Variants in FUT8 observed in about 807,000 individuals in gnomAD.
FUT8 encodes fucosyltransferase 8, also known as alpha-(1,6)-fucosyltransferase.
In FUT8, 29 loss-of-function variants were observed where a neutral mutation model predicts 71.3. The observed-to-expected ratio is 0.41, with a 90% CI of 0.30 to 0.55. FUT8 has a LOEUF of 0.55. FUT8 is among the 20% of genes least tolerant of loss of function. The probability of loss-of-function intolerance (pLI) is 0.34; values close to 1 mark genes in which losing one functional copy is unlikely to be tolerated. For missense variants in FUT8, 544 were observed against 702.1 expected (o/e 0.77, Z 2.55); for synonymous variants, 254 against 239.3 (o/e 1.06, Z -0.57).
intron 7 of FUT8, among the ~76,000 whole-genome samples, chr14:65,707,558 AT>A (rs1894611834): frequency 6.6e-6 from 1 of 152,092 alleles, no homozygotes; most frequent in Non-Finnish European, 1.5e-5. Flanking sequence ...TTTCCAAGAA[AT>A]TGTTGCCCAC....
intron 3 of FUT8, among the ~76,000 whole-genome samples, chr14:65,591,402 C>T (rs1440291532): frequency 6.6e-6 from 1 of 152,144 alleles, no homozygotes; most frequent in Non-Finnish European, 1.5e-5. Context: ...CTTTGAAATT[C>T]AACTCCCTTG....
chr14:65,426,610 AT>A (rs1342097574), intron 1 of FUT8, among the ~76,000 whole-genome samples: 4 of 152,226 alleles, frequency 2.6e-5, no homozygotes, highest in Non-Finnish European at 5.9e-5. Flanking sequence ...GTCCTTGATG[AT>A]AAAAATGTTG....
rs149548974 is a variant in FUT8 at position 65,712,830 on chromosome 14, A to G, written c.836-8945A>G. ...ATATGAGGTAATGAGATATTTTGAT[A>G]CAGGCATACAATGCATAATAATCAC... On this transcript the variant is annotated intron_variant, in intron 7 of 10. Coordinates refer to ENST00000673929, the MANE Select transcript of FUT8 (RefSeq NM_001371533.1). Among the ~76,000 whole-genome samples, 738 of 152,310 alleles carry G rather than the reference A, an allele frequency of 4.8e-3. 9 individuals are homozygous for G. The highest frequency in any genetic ancestry group is 0.017 in the African/African-American group (701 of 41,554).
chr14:65,583,180 T>C (rs1457834823), intron 3 of FUT8, among the ~76,000 whole-genome samples: 2 of 151,992 alleles, frequency 1.3e-5, no homozygotes, highest in Non-Finnish European at 2.9e-5. Flanking sequence ...TCTTTTTCTT[T>C]TGTTTTTTTC....
In FUT8 at chr14:65,582,160, C is replaced by T. The variant is rs191221214; in HGVS notation, c.203+20394C>T. ...TGAGTTGAGCTAGCATTTTCTTCTT[C>T]CATCCAATTAAAATAATATATAAGG... is the stretch of plus-strand genomic sequence containing the variant. On this transcript the variant is annotated intron_variant, in intron 3 of 10. Coordinates refer to ENST00000673929, the MANE Select transcript of FUT8 (RefSeq NM_001371533.1). Among the ~76,000 whole-genome samples, 88 of 152,162 alleles carry T rather than the reference C, an allele frequency of 5.8e-4. 2 individuals are homozygous for T. The highest frequency in any genetic ancestry group is 3.9e-4 in the East Asian group (2 of 5,190).
intron 7 of FUT8, among the ~76,000 whole-genome samples, chr14:65,694,334 G>A (rs1051155211): frequency 6.6e-6 from 1 of 152,080 alleles, no homozygotes; most frequent in Admixed American, 6.6e-5. Flanking sequence ...CACTTTTGCA[G>A]CGTTCCACAA....
At chr14:65,710,231 G>A (rs2139310830) in intron 7 of FUT8, among the ~76,000 whole-genome samples, 1 of 152,026 alleles carries the variant, frequency 6.6e-6, no homozygotes, top group South Asian at 2.1e-4. Flanking sequence ...AGATGAATTG[G>A]CTTTTAAAAT....
chr14:65,544,349 T>C (rs1884861741), intron 2 of FUT8, among the ~76,000 whole-genome samples: 2 of 152,164 alleles, frequency 1.3e-5, no homozygotes, highest in African/African-American at 4.8e-5. Context: ...TGACTCCTAC[T>C]TTATAGCAGG....
intron 7 of FUT8, among the ~76,000 whole-genome samples, chr14:65,687,477 T>C (rs1893351490): frequency 2.0e-5 from 3 of 152,176 alleles, no homozygotes; most frequent in Non-Finnish European, 1.5e-5. Context: ...AATAAAACTT[T>C]TAAGTTTAAA....
the FUT8 span, among the ~76,000 whole-genome samples, chr14:65,367,036 C>T: frequency 6.6e-6 from 1 of 152,178 alleles, no homozygotes; most frequent in Non-Finnish European, 1.5e-5. Context: ...CTAAGGACTG[C>T]AACATCTCCA....
At chr14:65,670,156 A>G (rs144067597) in intron 7 of FUT8, among the ~76,000 whole-genome samples, 171 of 152,320 alleles carry the variant, frequency 1.1e-3, no homozygotes, top group Non-Finnish European at 1.6e-3. Flanking sequence ...CTTTCTCTCC[A>G]AGGAAGTGGT....
intron 3 of FUT8, among the ~76,000 whole-genome samples, chr14:65,584,456 A>C (rs1304345074): frequency 6.6e-6 from 1 of 152,232 alleles, no homozygotes; most frequent in Admixed American, 6.5e-5. Context: ...CTGGGATTAC[A>C]AGCATGAGCC....
rs527955267 is a variant in FUT8, at chr14:65,517,789, A to G, written c.-227-43548A>G. Among the ~76,000 whole-genome samples, 18 of 152,294 alleles carry G rather than the reference A, an allele frequency of 1.2e-4. No homozygotes were observed. In the East Asian group the frequency reaches 3.1e-3, roughly 26 times the overall value. ...TTTGTTGTGGATACATTTCTTATGT[A>G]TGTAAACTGGCTTAAGTGTAAACAA... On this transcript the variant is annotated intron_variant, in intron 2 of 10. Transcript: ENST00000673929.
chr14:65,401,084 T>A, the FUT8 span, among the ~76,000 whole-genome samples: 2 of 152,096 alleles, frequency 1.3e-5, no homozygotes, highest in African/African-American at 4.8e-5. Flanking sequence ...AAAGATGAGC[T>A]CCAAAAGCCC....
chr14:65,696,940 C>A (rs928412062), intron 7 of FUT8, among the ~76,000 whole-genome samples: 3 of 152,082 alleles, frequency 2.0e-5, no homozygotes, highest in African/African-American at 7.2e-5. Flanking sequence ...CTGCATTACT[C>A]ATCTATTCTT....
intron 2 of FUT8, among the ~76,000 whole-genome samples, chr14:65,462,234 C>T (rs1013931919): frequency 2.6e-5 from 4 of 152,048 alleles, no homozygotes; most frequent in African/African-American, 7.2e-5. Context: ...ATGTAGCTTG[C>T]GTAAATTAAT....
chr14:65,500,929 G>T (rs1017056557), intron 2 of FUT8, among the ~76,000 whole-genome samples: 1 of 152,072 alleles, frequency 6.6e-6, no homozygotes, highest in Non-Finnish European at 1.5e-5. Flanking sequence ...CCTTTCTTAG[G>T]TTATGCTTCT....
chr14:65,389,561 C>T, the FUT8 span, among the ~76,000 whole-genome samples: 2 of 152,098 alleles, frequency 1.3e-5, no homozygotes, highest in South Asian at 2.1e-4. Flanking sequence ...GATCCACCTA[C>T]CTCAGCCTCC....
chr14:65,608,738 T>A (rs1888719933), intron 3 of FUT8, among the ~76,000 whole-genome samples: 1 of 151,956 alleles, frequency 6.6e-6, no homozygotes, highest in Non-Finnish European at 1.5e-5. Flanking sequence ...ATTAGCTGTT[T>A]CATGTTTTGT....
Sources: allele counts gnomAD v4.1 joint callset (sites outside exome capture counted in the v4.1 genomes callset), GRCh38; gene constraint gnomAD v4.1.1; transcripts MANE v1.5; gene names NCBI Gene and HGNC (gene_info 2026-07-23, HGNC 2026-07-21).